CASQ2: variants seen among roughly 807,000 people sequenced by gnomAD.
CASQ2 encodes calsequestrin-2.
CASQ2 carries 49 observed loss-of-function variants against 46.5 expected under a neutral mutation model. The ratio of observed to expected loss-of-function variants is 1.05; its 90% confidence interval spans 0.84 to 1.34. The LOEUF is 1.34. CASQ2 is among the 40% of genes most tolerant of loss of function. The pLI, the probability that CASQ2 is intolerant of heterozygous loss-of-function variation, is 0.00. For missense variants in CASQ2, 486 were observed against 481.3 expected (o/e 1.01, Z -0.09); for synonymous variants, 174 against 168.5 (o/e 1.03, Z -0.25).
chr1:115,713,904 C>T (rs1284459279), intron 8 of CASQ2, among the ~76,000 whole-genome samples: 2 of 152,166 alleles, frequency 1.3e-5, no homozygotes, highest in Admixed American at 1.3e-4. Flanking sequence ...CCCGAACATG[C>T]CACTGCATTG....
At chr1:115,740,349 C>A (rs1345664403) in intron 3 of CASQ2, among the ~76,000 whole-genome samples, 1 of 152,170 alleles carries the variant, frequency 6.6e-6, no homozygotes, top group Non-Finnish European at 1.5e-5. Flanking sequence ...TCAGGGTGAC[C>A]TGGCTGATTG....
At chr1:115,728,037 T>C (rs1177933462) in intron 5 of CASQ2, among the ~76,000 whole-genome samples, 1 of 152,216 alleles carries the variant, frequency 6.6e-6, no homozygotes, top group Non-Finnish European at 1.5e-5. Flanking sequence ...CACTCTTTTC[T>C]AGTTCAGAGC....
rs1320473599 is a variant in CASQ2, at chr1:115,725,497, C to G, written c.783+11G>C. ...TCTCTACAAGGCAAAGAGAGTTTGC[C>G]TCTTTCTTACCCATGTTTCAAACAT... On this transcript the variant is annotated intron_variant, in intron 7 of 10. Transcript: ENST00000261448. The G allele has an allele frequency of 6.2e-7, 1 of 1,609,510 alleles. No homozygotes were observed. Among genetic ancestry groups the G allele is most frequent in the East Asian group, 2.2e-5 (1 of 44,674 alleles).
chr1:115,762,853 G>A (rs556037257), intron 1 of CASQ2, among the ~76,000 whole-genome samples: 3 of 152,224 alleles, frequency 2.0e-5, no homozygotes, highest in African/African-American at 4.8e-5. Context: ...GGAAGGAGTC[G>A]ATGATTCCTC....
intron 6 of CASQ2, among the ~76,000 whole-genome samples, chr1:115,726,393 C>A (rs1345163898): frequency 6.6e-6 from 1 of 152,212 alleles, no homozygotes; most frequent in African/African-American, 2.4e-5. Flanking sequence ...TGCTTTCATG[C>A]CACAGCCGCA....
At chr1:115,767,306 T>C (rs1455772055) in intron 1 of CASQ2, among the ~76,000 whole-genome samples, 2 of 152,202 alleles carry the variant, frequency 1.3e-5, no homozygotes, top group South Asian at 2.1e-4. Context: ...GTTGGAGATA[T>C]ACTTTTGATG....
chr1:115,723,990 G>C (rs1207250051), intron 7 of CASQ2, among the ~76,000 whole-genome samples: 1 of 152,228 alleles, frequency 6.6e-6, no homozygotes, highest in African/African-American at 2.4e-5. Flanking sequence ...AAACATCCAA[G>C]TAAGTTACAG....
At chr1:115,758,588 C>T (rs949265698) in intron 1 of CASQ2, among the ~76,000 whole-genome samples, 1 of 152,184 alleles carries the variant, frequency 6.6e-6, no homozygotes, top group African/African-American at 2.4e-5. Flanking sequence ...GTCTTGGGGT[C>T]ATGGAGGTGA....
intron 1 of CASQ2, among the ~76,000 whole-genome samples, chr1:115,764,193 G>A (rs2101125540): frequency 6.6e-6 from 1 of 152,064 alleles, no homozygotes; most frequent in South Asian, 2.1e-4. Flanking sequence ...GAAAAGCGAA[G>A]ATTTTTAAAA....
chr1:115,705,392 T>C (rs902154400), intron 8 of CASQ2, 100 bp from the exon 9 acceptor site: 15 of 763,478 alleles, frequency 2.0e-5, no homozygotes, highest in South Asian at 4.4e-5. Flanking sequence ...CTTAGGACAT[T>C]TGGTGCTCAC....
chr1:115,754,822 C>A (rs1258051776), intron 1 of CASQ2, among the ~76,000 whole-genome samples: 1 of 152,196 alleles, frequency 6.6e-6, no homozygotes, highest in Admixed American at 6.5e-5. Context: ...ATCATGTATA[C>A]AAGTACGTAG....
At chr1:115,709,905 C>T (rs1475924338) in intron 8 of CASQ2, among the ~76,000 whole-genome samples, 3 of 152,174 alleles carry the variant, frequency 2.0e-5, no homozygotes, top group Non-Finnish European at 4.4e-5. Context: ...TGCAGTGGTG[C>T]AATCACGGCT....
chr1:115,711,462 T>G (rs1654541174), intron 8 of CASQ2, among the ~76,000 whole-genome samples: 1 of 152,130 alleles, frequency 6.6e-6, no homozygotes, highest in Admixed American at 6.5e-5. Context: ...CATGTTGATA[T>G]AACGAGATGC....
At chr1:115,747,568 A>T (rs1416738842) in intron 1 of CASQ2, among the ~76,000 whole-genome samples, 1 of 152,116 alleles carries the variant, frequency 6.6e-6, no homozygotes, top group Non-Finnish European at 1.5e-5. Context: ...AAACTTGGGG[A>T]GAGTGACATA....
intron 5 of CASQ2, among the ~76,000 whole-genome samples, chr1:115,728,682 T>A (rs1261024985): frequency 6.6e-6 from 1 of 152,182 alleles, no homozygotes; most frequent in African/African-American, 2.4e-5. Flanking sequence ...GTGTTTTAGG[T>A]TGATTCTTTG....
chr1:115,705,065 C>T (rs536204616), intron 9 of CASQ2, 127 bp downstream of exon 9: 1 of 755,190 alleles, frequency 1.3e-6, no homozygotes, highest in South Asian at 1.4e-5. Context: ...CAAGACCTCC[C>T]ACACTGGGTG....
At chr1:115,760,947 C>A (rs1448261959) in intron 1 of CASQ2, among the ~76,000 whole-genome samples, 2 of 152,006 alleles carry the variant, frequency 1.3e-5, no homozygotes, top group Non-Finnish European at 2.9e-5. Flanking sequence ...TCTTTTATAC[C>A]TTCTTATAAT....
At chr1:115,764,109 A>G (rs183128058) in intron 1 of CASQ2, among the ~76,000 whole-genome samples, 1 of 152,346 alleles carries the variant, frequency 6.6e-6, no homozygotes, top group Non-Finnish European at 1.5e-5. Context: ...TGAAAGAAAA[A>G]ATACATAAAT....
intron 8 of CASQ2, among the ~76,000 whole-genome samples, chr1:115,710,484 C>A (rs962693435): frequency 2.6e-5 from 4 of 152,186 alleles, no homozygotes; most frequent in African/African-American, 9.7e-5. Context: ...TGCCATCTTC[C>A]TTCCTCGAGT....
Sources: gnomAD v4.1 joint callset for allele counts (sites outside exome capture counted in the v4.1 genomes callset) on GRCh38, gnomAD v4.1.1 for gene constraint, MANE v1.5 for transcripts, NCBI Gene and HGNC (gene_info 2026-07-23, HGNC 2026-07-21) for gene names.